Variants in SIK3 observed in about 807,000 individuals in gnomAD.
SIK3 encodes serine/threonine-protein kinase SIK3.
Under a neutral mutation model 144.2 loss-of-function variants are expected in SIK3, and 28 were observed. The ratio of observed to expected loss-of-function variants is 0.19; its 90% CI spans 0.14 to 0.27. SIK3 has a LOEUF of 0.27. Ranked by LOEUF, SIK3 falls within the 10% of genes least tolerant of loss-of-function variation. The pLI is 1.00. For missense variants in SIK3, 1,319 were observed against 1,776.0 expected, an observed-to-expected ratio of 0.74 and a Z score of 4.62; for synonymous variants, 686 against 676.3, an observed-to-expected ratio of 1.01 and a Z score of -0.22.
intron 4 of SIK3, 144 bp downstream of exon 4, chr11:116,927,075 C>T: frequency 1.9e-6 from 1 of 539,762 alleles, no homozygotes; most frequent in Non-Finnish European, 3.0e-6. Context: ...TATCAATTTT[C>T]AGGCTATTTT....
chr11:117,063,723 T>C (rs961291693), intron 1 of SIK3, among the ~76,000 whole-genome samples: 6 of 151,296 alleles, frequency 4.0e-5, no homozygotes, highest in Non-Finnish European at 7.4e-5. Flanking sequence ...CATCCACCAC[T>C]ACGCCTGGCT....
In SIK3 at chr11:116,993,526, A is replaced by AT. The variant is rs1270602874; in HGVS notation, c.274-36463dup. Among the ~76,000 whole-genome samples the AT allele has an allele frequency of 4.6e-5, 7 of 152,230 alleles. No homozygotes were observed. The East Asian group carries it at 1.2e-3, about 25-fold the overall frequency. Reference sequence around the variant, plus strand: ...ACAGGTTACTTAGCTTCTAAAAATGATTTTTTTTCTTCCCATCCTTCTAAT... The same window carrying AT: ...ACAGGTTACTTAGCTTCTAAAAATGATTTTTTTTTCTTCCCATCCTTCTAAT... On this transcript the variant is annotated intron_variant, in intron 1 of 24. Transcript: ENST00000445177.
chr11:117,077,307 A>G (rs1387513780), intron 1 of SIK3, among the ~76,000 whole-genome samples: 1 of 152,170 alleles, frequency 6.6e-6, no homozygotes, highest in Non-Finnish European at 1.5e-5. Flanking sequence ...GTTGACTATG[A>G]GCTTCATCCT....
intron 13 of SIK3, among the ~76,000 whole-genome samples, chr11:116,872,929 G>GA (rs914778009): frequency 1.5e-4 from 23 of 152,164 alleles, no homozygotes; most frequent in Admixed American, 1.1e-3. Flanking sequence ...ACCCAAGGGA[G>GA]AAAAAAAATC....
chr11:116,852,299 G>A (rs1942525620), intron 21 of SIK3, among the ~76,000 whole-genome samples: 1 of 152,148 alleles, frequency 6.6e-6, no homozygotes, highest in Non-Finnish European at 1.5e-5. Flanking sequence ...GCTCTGCCTT[G>A]TCTGCTGTCT....
chr11:116,863,634 C>A, intron 16 of SIK3, 34 bp downstream of exon 16: 1 of 1,613,100 alleles, frequency 6.2e-7, no homozygotes, highest in Non-Finnish European at 8.5e-7. Context: ...GTCACCCATG[C>A]TCCTCCAGGG....
At chr11:116,933,562 T>G (rs1402430722) in intron 3 of SIK3, among the ~76,000 whole-genome samples, 1 of 152,248 alleles carries the variant, frequency 6.6e-6, no homozygotes, top group Non-Finnish European at 1.5e-5. Flanking sequence ...CAAAGAAAGC[T>G]GCTATCAACA....
intron 4 of SIK3, among the ~76,000 whole-genome samples, chr11:116,908,006 C>T (rs1170800072): frequency 7.2e-6 from 1 of 138,400 alleles, no homozygotes; most frequent in Non-Finnish European, 1.6e-5. Context: ...AAAAAAAAAG[C>T]AGGTATCTTT....
intron 6 of SIK3, among the ~76,000 whole-genome samples, chr11:116,893,254 C>G (rs1368594146): frequency 6.6e-6 from 1 of 151,886 alleles, no homozygotes; most frequent in Non-Finnish European, 1.5e-5. Flanking sequence ...AACAAACATA[C>G]CACTCTGGTG....
At chr11:116,941,242 G>A (rs1378914657) in intron 3 of SIK3, among the ~76,000 whole-genome samples, 4 of 151,980 alleles carry the variant, frequency 2.6e-5, no homozygotes, top group African/African-American at 4.8e-5. Context: ...TCCTGACCTC[G>A]TGATCCGCCC....
intron 6 of SIK3, among the ~76,000 whole-genome samples, chr11:116,895,418 C>A (rs979400989): frequency 1.3e-5 from 2 of 152,210 alleles, no homozygotes; most frequent in African/African-American, 4.8e-5. Context: ...TTAGCACTAT[C>A]TTCTACACTA....
At chr11:116,877,096 G>A in intron 6 of SIK3, 54 bp from the exon 7 acceptor site, 1 of 1,510,922 alleles carries the variant, frequency 6.6e-7, no homozygotes, top group Non-Finnish European at 9.2e-7. Context: ...GGCACCAGGG[G>A]AGTAGAGGAA....
chr11:116,930,833 C>T (rs1947565200), intron 3 of SIK3, among the ~76,000 whole-genome samples: 1 of 150,484 alleles, frequency 6.6e-6, no homozygotes, highest in African/African-American at 2.4e-5. Context: ...TCAAGTCCAT[C>T]ACACTAAGCT....
At chr11:117,089,279 C>T (rs554037338) in intron 1 of SIK3, among the ~76,000 whole-genome samples, 1 of 152,000 alleles carries the variant, frequency 6.6e-6, no homozygotes, top group Admixed American at 6.6e-5. Context: ...TGGCGGCAGG[C>T]GCCTGTAGTC....
At position 116,849,645 on chromosome 11, in the gene SIK3, C is replaced by T; in HGVS notation, c.3656-362G>A. ...CAGGACCCTCTAGCCCTAGAGGATG[C>T]ATCTGTTCTGTGGCTGGCTGCGTCC... On this transcript the variant is annotated intron_variant, in intron 21 of 24. Coordinates refer to ENST00000445177, the MANE Select transcript of SIK3 (RefSeq NM_001366686.3). The surrounding 1 kb of genome is among the most constrained non-coding windows in gnomAD (Gnocchi z 4.2). Among the ~76,000 whole-genome samples the T allele has an allele frequency of 6.6e-6, 1 of 152,184 alleles. No homozygotes were observed. Among genetic ancestry groups the T allele is most frequent in the East Asian group, 1.9e-4 (1 of 5,198 alleles).
At chr11:117,018,195 A>G (rs1408957607) in intron 1 of SIK3, among the ~76,000 whole-genome samples, 1 of 152,136 alleles carries the variant, frequency 6.6e-6, no homozygotes, top group Non-Finnish European at 1.5e-5. Flanking sequence ...GAGTACACCA[A>G]ATTACACACA....
At chr11:117,005,304 C>A (rs1951001874) in intron 1 of SIK3, among the ~76,000 whole-genome samples, 1 of 126,928 alleles carries the variant, frequency 7.9e-6, no homozygotes. Context: ...CCACTGCACT[C>A]TAGCCTGGTG....
chr11:116,917,326 C>T (rs1946698488), intron 4 of SIK3, among the ~76,000 whole-genome samples: 1 of 152,086 alleles, frequency 6.6e-6, no homozygotes, highest in South Asian at 2.1e-4. Context: ...TTCTATAGTT[C>T]TTATAGTTTC....
chr11:116,932,080 T>C (rs1336140608), intron 3 of SIK3, among the ~76,000 whole-genome samples: 1 of 152,126 alleles, frequency 6.6e-6, no homozygotes, highest in African/African-American at 2.4e-5. Context: ...CTGCATCCTA[T>C]CCATCAGCAA....
Sources: allele counts gnomAD v4.1 joint callset (sites outside exome capture counted in the v4.1 genomes callset), GRCh38; gene constraint gnomAD v4.1.1; non-coding constraint Gnocchi (gnomAD v3.1); transcripts MANE v1.5; gene names NCBI Gene and HGNC (gene_info 2026-07-23, HGNC 2026-07-21).